Variants in ITPK1 observed in about 807,000 individuals in gnomAD.
The protein encoded by ITPK1 is inositol-tetrakisphosphate 1-kinase, also known as inositol 1,3,4-trisphosphate 5/6-kinase.
A neutral mutation model predicts 45.3 loss-of-function variants in ITPK1; 21 were observed. That is an observed-to-expected ratio of 0.46 (90% confidence interval 0.33 to 0.67). The LOEUF (loss-of-function observed/expected upper bound fraction) is 0.67. ITPK1 is among the 30% of genes least tolerant of loss of function. The probability of loss-of-function intolerance (pLI) is 0.02; values close to 1 mark genes in which losing one functional copy is unlikely to be tolerated. For missense variants in ITPK1, 474 were observed against 573.5 expected, an observed-to-expected ratio of 0.83 and a Z score of 1.77; for synonymous variants, 258 against 253.6, an observed-to-expected ratio of 1.02 and a Z score of -0.16.
intron 5 of ITPK1, among the ~76,000 whole-genome samples, chr14:92,990,820 G>A (rs562052397): frequency 3.3e-5 from 5 of 152,254 alleles, no homozygotes; most frequent in African/African-American, 9.6e-5. Flanking sequence ...CTATTCCTGG[G>A]AGAGCCTCCC....
In ITPK1 at chr14:93,115,059, C is replaced by T; in HGVS notation, c.95+10G>A. The T allele has an allele frequency of 6.4e-7, 1 of 1,566,880 alleles. No individual in the cohort carries two copies. The highest frequency in any genetic ancestry group is 8.6e-7 in the Non-Finnish European group (1 of 1,160,488). ...GGGTCCCCGGGCGCCGGCGCCGCGT[C>T]CCTCCTTACCTGCACAGCTCGGCGA... On this transcript the variant is annotated intron_variant, in intron 2 of 10. Coordinates refer to ENST00000267615, the MANE Select transcript of ITPK1 (RefSeq NM_014216.6).
At chr14:93,024,526 T>G (rs1240891617) in intron 3 of ITPK1, among the ~76,000 whole-genome samples, 1 of 152,196 alleles carries the variant, frequency 6.6e-6, no homozygotes, top group East Asian at 1.9e-4. Flanking sequence ...CAAATAGGAC[T>G]TTCTTCCTCA....
intron 2 of ITPK1, among the ~76,000 whole-genome samples, chr14:93,094,182 CCTCT>C (rs1891975271): frequency 6.6e-6 from 1 of 152,252 alleles, no homozygotes; most frequent in Non-Finnish European, 1.5e-5. Context: ...GCCTCCTCCT[CCTCT>C]CTCTTCCCTG....
chr14:93,114,710 A>G (rs1892869953), intron 2 of ITPK1, among the ~76,000 whole-genome samples: 2 of 152,170 alleles, frequency 1.3e-5, no homozygotes, highest in African/African-American at 4.8e-5. Flanking sequence ...ACTCCGGTCC[A>G]AAAGTACCCT....
In ITPK1 at chr14:92,991,708, T is replaced by G. The variant is rs555743170; in HGVS notation, c.364+2172A>C. Among the ~76,000 whole-genome samples, 114 of 152,046 alleles carry G rather than the reference T, an allele frequency of 7.5e-4. 1 individual carries two copies. The highest frequency in any genetic ancestry group is 2.8e-4 in the Non-Finnish European group (19 of 67,952). On this transcript the variant is annotated intron_variant, in intron 5 of 10. Coordinates refer to ENST00000267615, the MANE Select transcript of ITPK1 (RefSeq NM_014216.6). ...ATGTGACTTCCTACGGTCCACCTCA[T>G]CACCGGGTTCCTGCTCCTTGAACAC...
intron 2 of ITPK1, among the ~76,000 whole-genome samples, chr14:93,087,565 C>A (rs1443123386): frequency 1.3e-5 from 2 of 152,228 alleles, no homozygotes; most frequent in East Asian, 3.8e-4. Flanking sequence ...GTAGTCATGT[C>A]ATACCCTTTT....
chr14:92,988,524 G>T (rs985039485), intron 5 of ITPK1, among the ~76,000 whole-genome samples: 1 of 152,200 alleles, frequency 6.6e-6, no homozygotes, highest in African/African-American at 2.4e-5. Flanking sequence ...CCCCAGGGAT[G>T]ATGGCCATGC....
intron 4 of ITPK1, among the ~76,000 whole-genome samples, chr14:93,002,594 G>A (rs565825896): frequency 3.2e-4 from 48 of 152,278 alleles, no homozygotes; most frequent in Non-Finnish European, 6.2e-4. Flanking sequence ...ACCCCAAGGC[G>A]AGGCCACCAG....
At chr14:93,070,442 C>G (rs1890947796) in intron 3 of ITPK1, 1 of 152,332 alleles carries the variant, frequency 6.6e-6, no homozygotes, top group African/African-American at 2.4e-5. Context: ...GAGCCCCAGC[C>G]CCACTCCCCA....
At chr14:93,073,336 C>G (rs888812487) in intron 3 of ITPK1, among the ~76,000 whole-genome samples, 18 of 152,294 alleles carry the variant, frequency 1.2e-4, no homozygotes, top group African/African-American at 4.3e-4. Context: ...ACAGGGGTGG[C>G]AGGGAAGAAG....
intron 2 of ITPK1, among the ~76,000 whole-genome samples, chr14:93,093,764 C>T (rs1231723627): frequency 6.6e-6 from 1 of 152,158 alleles, no homozygotes; most frequent in African/African-American, 2.4e-5. Context: ...AGTTGATATC[C>T]ACCACCACTG....
chr14:93,056,605 C>T (rs1271101014), intron 3 of ITPK1, among the ~76,000 whole-genome samples: 1 of 152,116 alleles, frequency 6.6e-6, no homozygotes, highest in Non-Finnish European at 1.5e-5. Flanking sequence ...CAGCTCAGTC[C>T]ACCCACGGCT....
rs950102759 is a variant in ITPK1, at chr14:92,961,367, G to C, written c.504+988C>G. 3.3e-4 allele frequency among the ~76,000 whole-genome samples: 50 copies of C among 152,214 alleles called. 1 individual carries two copies. The highest frequency in any genetic ancestry group is 1.0e-4 in the Non-Finnish European group (7 of 68,026). On this transcript the variant is annotated intron_variant, in intron 7 of 10. Coordinates refer to ENST00000267615, the MANE Select transcript of ITPK1 (RefSeq NM_014216.6). ...CACAGGCTCCTTGGCTCTCTCTAGG[G>C]ACAGGACTCACATCCTATGCATCTG...
chr14:93,037,804 A>C (rs991289463), intron 3 of ITPK1, among the ~76,000 whole-genome samples: 3 of 152,222 alleles, frequency 2.0e-5, no homozygotes, highest in Admixed American at 6.6e-5. Flanking sequence ...AGCTTTTCAA[A>C]AAAACTGTCT....
chr14:93,049,466 C>T (rs1460313799), intron 3 of ITPK1, among the ~76,000 whole-genome samples: 1 of 152,116 alleles, frequency 6.6e-6, no homozygotes, highest in East Asian at 1.9e-4. Flanking sequence ...TTGCTGGTGT[C>T]TGAGTTGGGA....
At position 93,063,704 on chromosome 14, in the gene ITPK1, GC is replaced by G. The variant is rs1346613687; in HGVS notation, c.120+12890del. ...TCGGAGCAGAAGAGGCACTGGCTAT[GC>G]CATCACACCTCTAGAATCCAATCCC... On this transcript the variant is annotated intron_variant, in intron 3 of 10. Transcript: ENST00000267615. This position sits in a 1 kb window ranked among gnomAD's most constrained non-coding sequence, Gnocchi z 4.3. Among the ~76,000 whole-genome samples the G allele has an allele frequency of 6.6e-6, 1 of 152,192 alleles. No homozygotes were observed. The highest frequency in any genetic ancestry group is 1.9e-4 in the East Asian group (1 of 5,194).
At chr14:93,064,243 A>G (rs958976367) in intron 3 of ITPK1, among the ~76,000 whole-genome samples, 4 of 152,206 alleles carry the variant, frequency 2.6e-5, no homozygotes, top group Admixed American at 2.6e-4. Context: ...AGGTCGCGCC[A>G]CTGCACTCCA....
intron 9 of ITPK1, among the ~76,000 whole-genome samples, chr14:92,951,491 C>T (rs1349180759): frequency 6.6e-6 from 1 of 152,188 alleles, no homozygotes; most frequent in African/African-American, 2.4e-5. Flanking sequence ...CCAGAACGCC[C>T]GTTACCCATA....
chr14:93,002,261 A>T (rs996489854), intron 4 of ITPK1, among the ~76,000 whole-genome samples: 1 of 152,152 alleles, frequency 6.6e-6, no homozygotes, highest in Non-Finnish European at 1.5e-5. Flanking sequence ...GAATCACTTG[A>T]GCCAGGAAGG....
Sources: allele counts gnomAD v4.1 joint callset (sites outside exome capture counted in the v4.1 genomes callset), GRCh38; gene constraint gnomAD v4.1.1; non-coding constraint Gnocchi (gnomAD v3.1); transcripts MANE v1.5; gene names NCBI Gene and HGNC (gene_info 2026-07-23, HGNC 2026-07-21).